GPRIN3: variants seen among roughly 807,000 people sequenced by gnomAD.
The protein encoded by GPRIN3 is GPRIN family member 3.
In GPRIN3, 12 loss-of-function variants were observed where a neutral mutation model predicts 13.7. The ratio of observed to expected loss-of-function variants is 0.87; its 90% CI spans 0.56 to 1.42. The LOEUF (loss-of-function observed/expected upper bound fraction) is 1.42, where lower values mean the gene tolerates loss of function less well. Ranked by LOEUF, GPRIN3 falls within the 40% of genes most tolerant of loss-of-function variation. The pLI is 0.00. For missense variants in GPRIN3, 1,009 were observed against 958.7 expected (o/e 1.05, Z -0.69); for synonymous variants, 377 against 372.7 (o/e 1.01, Z -0.13).
intron 1 of GPRIN3, among the ~76,000 whole-genome samples, chr4:89,272,420 C>A (rs1416893678): frequency 6.6e-6 from 1 of 152,204 alleles, no homozygotes; most frequent in Non-Finnish European, 1.5e-5. Flanking sequence ...GATTCATGAT[C>A]AGTCACACCA....
At chr4:89,299,359 A>C (rs758076298) in intron 1 of GPRIN3, among the ~76,000 whole-genome samples, 2 of 152,184 alleles carry the variant, frequency 1.3e-5, no homozygotes, top group Non-Finnish European at 2.9e-5. Flanking sequence ...GAAATAAAGT[A>C]GGAGGCACGA....
intron 1 of GPRIN3, among the ~76,000 whole-genome samples, chr4:89,269,578 G>T (rs2149270023): frequency 6.6e-6 from 1 of 152,196 alleles, no homozygotes; most frequent in Non-Finnish European, 1.5e-5. Context: ...ACTAGAGCAG[G>T]CAAGATACAA....
intron 1 of GPRIN3, among the ~76,000 whole-genome samples, chr4:89,280,167 T>C (rs771475490): frequency 6.6e-6 from 1 of 152,150 alleles, no homozygotes; most frequent in Non-Finnish European, 1.5e-5. Context: ...GATCCTTCCT[T>C]TGTAATATCT....
At position 89,249,247 on chromosome 4, in the gene GPRIN3, TGCTGGCAGCG is replaced by T; in HGVS notation, c.854_863del (p.Pro285HisfsTer14). The T allele has an allele frequency of 6.2e-7, 1 of 1,614,086 alleles. No individual in the cohort carries two copies. The highest frequency in any genetic ancestry group is 8.5e-7 in the Non-Finnish European group (1 of 1,180,014). On this transcript the variant is annotated frameshift_variant, in exon 2 of 2. Coordinates refer to ENST00000609438, the MANE Select transcript of GPRIN3 (RefSeq NM_198281.3). LOFTEE classifies it low-confidence loss of function (END_TRUNC). ...CTTTGAACCTTGACATCTGACGCTGTGCTGGCAGCGGCACCTTCTCTGGACCTGGGGGACA... is the reference window on the plus strand; with the variant it reads ...CTTTGAACCTTGACATCTGACGCTGTGCACCTTCTCTGGACCTGGGGGACA...
intron 1 of GPRIN3, among the ~76,000 whole-genome samples, chr4:89,300,108 A>T (rs1724854182): frequency 6.6e-6 from 1 of 152,166 alleles, no homozygotes; most frequent in African/African-American, 2.4e-5. Flanking sequence ...TTGATACTGC[A>T]AAATTTTTAG....
At chr4:89,283,664 C>T (rs1314710613) in intron 1 of GPRIN3, among the ~76,000 whole-genome samples, 1 of 152,110 alleles carries the variant, frequency 6.6e-6, no homozygotes, top group East Asian at 1.9e-4. Flanking sequence ...TAAGAGAAGG[C>T]CCACCCAAGG....
chr4:89,268,495 G>A (rs936536104), intron 1 of GPRIN3, among the ~76,000 whole-genome samples: 4 of 152,148 alleles, frequency 2.6e-5, no homozygotes, highest in East Asian at 1.9e-4. Flanking sequence ...TATGCCAAGG[G>A]TAGGCAAAGG....
rs1722798494 is a variant in GPRIN3 at position 89,236,428 on chromosome 4, A to G, written c.*11352T>C. The G allele has an allele frequency of 6.6e-6, 1 of 152,204 alleles. No homozygotes were observed. The highest frequency in any genetic ancestry group is 1.5e-5 in the Non-Finnish European group (1 of 68,040). 9.4% of individuals were successfully genotyped at this position (152,204 alleles called of 1,614,324 possible). Reference sequence around the variant, plus strand: ...TCAAAAGTTTATTAAATAGAATACAATGGCAAAATTCAAGGCTTTTAACAA... The same window carrying G: ...TCAAAAGTTTATTAAATAGAATACAGTGGCAAAATTCAAGGCTTTTAACAA... On this transcript the variant is annotated 3_prime_UTR_variant, in exon 2 of 2. Coordinates refer to ENST00000609438, the MANE Select transcript of GPRIN3 (RefSeq NM_198281.3).
At chr4:89,276,901 A>G (rs1034837294) in intron 1 of GPRIN3, among the ~76,000 whole-genome samples, 2 of 152,218 alleles carry the variant, frequency 1.3e-5, no homozygotes, top group Non-Finnish European at 2.9e-5. Context: ...TGGGGGTGGG[A>G]GGAGGACATG....
rs768790745 is a variant in GPRIN3, at chr4:89,247,996, C to T, written c.2115G>A (p.Leu705=). ...GCAAATGGTTCTGGATCGCGATTCC[C>T]AGGGACTCTGCGTCCAAGGATGCAC... is the stretch of plus-strand genomic sequence containing the variant. The part of the protein sequence containing the change: ...VYGASLDAES[L]GIAIQNHLQR... The change falls in exon 2 of 2, where the codon CTG becomes CTA. Residue 705 remains leucine (L), a synonymous_variant. Transcript: ENST00000609438. 1.2e-6 allele frequency: 2 copies of T among 1,614,022 alleles called. No individual in the cohort carries two copies. The highest frequency in any genetic ancestry group is 2.7e-5 in the African/African-American group (2 of 74,902).
chr4:89,293,489 C>T (rs1218969651), intron 1 of GPRIN3, among the ~76,000 whole-genome samples: 1 of 152,232 alleles, frequency 6.6e-6, no homozygotes, highest in Non-Finnish European at 1.5e-5. Flanking sequence ...AGCAGCCAGG[C>T]TGCCGGACAT....
At chr4:89,258,572 A>T (rs962786416) in intron 1 of GPRIN3, among the ~76,000 whole-genome samples, 1 of 152,170 alleles carries the variant, frequency 6.6e-6, no homozygotes. Context: ...GAAAAATGTG[A>T]TAAGACAAAT....
chr4:89,299,855 C>T (rs1414613871), intron 1 of GPRIN3, among the ~76,000 whole-genome samples: 6 of 152,132 alleles, frequency 3.9e-5, no homozygotes, highest in African/African-American at 1.4e-4. Flanking sequence ...AAAAGTTATA[C>T]ATAAGATAAA....
At chr4:89,289,490 G>A (rs1326060735) in intron 1 of GPRIN3, among the ~76,000 whole-genome samples, 3 of 152,056 alleles carry the variant, frequency 2.0e-5, no homozygotes, top group East Asian at 3.9e-4. Flanking sequence ...TCCAAGAGCC[G>A]AGACTCAAAT....
At chr4:89,286,126 T>C (rs1304478175) in intron 1 of GPRIN3, among the ~76,000 whole-genome samples, 2 of 151,090 alleles carry the variant, frequency 1.3e-5, no homozygotes, top group Admixed American at 6.6e-5. Context: ...TAAACTAAGA[T>C]GACATTAATT....
chr4:89,246,351 G>A lies in GPRIN3; in HGVS notation c.*1429C>T, dbSNP rs1295551981. On this transcript the variant is annotated 3_prime_UTR_variant, in exon 2 of 2. Transcript: ENST00000609438. ...TCCCCCAACAATATCTGCAGGAAGG[G>A]AAGGCTTCCCAGGGCCGTTGTTCAT... is the stretch of plus-strand genomic sequence containing the variant. 5.3e-5 allele frequency: 8 copies of A among 152,236 alleles called. No homozygotes were observed. The highest frequency in any genetic ancestry group is 7.3e-5 in the Non-Finnish European group (5 of 68,028). The allele number at this position is 152,236 out of a possible 1,614,324, so 9.4% of individuals were successfully genotyped here. A position where few individuals can be genotyped will look rare whatever the true frequency, so the allele number is the denominator to read the frequency against.
In GPRIN3 at chr4:89,236,708, C is replaced by G. The variant is rs971895075; in HGVS notation, c.*11072G>C. On this transcript the variant is annotated 3_prime_UTR_variant, in exon 2 of 2. Transcript: ENST00000609438. ...AGAATTTAGCTTCTTTGATTCGAAG[C>G]TGAGATTTGAACCCAGGGTCCTTTG... 1.3e-5 allele frequency: 2 copies of G among 152,138 alleles called. No homozygotes were observed. Among genetic ancestry groups the G allele is most frequent in the African/African-American group, 4.8e-5 (2 of 41,422 alleles). The allele number at this position is 152,138 out of a possible 1,614,324, so 9.4% of individuals were successfully genotyped here.
chr4:89,250,240 A>G lies in GPRIN3; in HGVS notation c.-123-7T>C. On this transcript the variant is annotated splice_region_variant and splice_polypyrimidine_tract_variant and intron_variant, in intron 1 of 1. Coordinates refer to ENST00000609438, the MANE Select transcript of GPRIN3 (RefSeq NM_198281.3). ...ATTCCTCTGAAGAACCAGCCTGTGA[A>G]TCAAGGAAACAGCATCATTAATACA... 6.7e-7 allele frequency: 1 copy of G among 1,493,280 alleles called. No individual in the cohort carries two copies. Among genetic ancestry groups the G allele is most frequent in the South Asian group, 1.4e-5 (1 of 70,222 alleles). 92.5% of individuals were successfully genotyped at this position (1,493,280 alleles called of 1,614,324 possible). A position where few individuals can be genotyped will look rare whatever the true frequency, so the allele number is the denominator to read the frequency against.
Position 89,247,673 on chromosome 4 carries a change from T to A in GPRIN3, c.*107A>T. The A allele has an allele frequency of 8.8e-7, 1 of 1,140,648 alleles. No individual in the cohort carries two copies. The highest frequency in any genetic ancestry group is 2.4e-5 in the East Asian group (1 of 42,014). The allele number at this position is 1,140,648 out of a possible 1,614,324, so 70.7% of individuals were successfully genotyped here. A position where few individuals can be genotyped will look rare whatever the true frequency, so the allele number is the denominator to read the frequency against. ...AATAGCAATTTCCTATAGTGAATAC[T>A]TGCTTTTTCTTCCTAGTCTTGCAGC... is the stretch of plus-strand genomic sequence containing the variant. On this transcript the variant is annotated 3_prime_UTR_variant, in exon 2 of 2. Transcript: ENST00000609438.
Sources: allele counts gnomAD v4.1 joint callset (sites outside exome capture counted in the v4.1 genomes callset), GRCh38; gene constraint gnomAD v4.1.1; transcripts MANE v1.5; gene names NCBI Gene and HGNC (gene_info 2026-07-23, HGNC 2026-07-21).